The following ANKRD17 variants were observed in gnomAD, a reference collection of about 807,000 sequenced individuals.
The protein encoded by ANKRD17 is ankyrin repeat domain-containing protein 17.
A neutral mutation model predicts 229.7 loss-of-function variants in ANKRD17; 19 were observed. The ratio of observed to expected loss-of-function variants is 0.08; its 90% CI spans 0.06 to 0.12. The LOEUF (loss-of-function observed/expected upper bound fraction) is 0.12. ANKRD17 is among the 10% of genes least tolerant of loss of function. The pLI, the probability that ANKRD17 is intolerant of heterozygous loss-of-function variation, is 1.00. For synonymous variants in ANKRD17, 1,112 were observed against 1,146.1 expected, an observed-to-expected ratio of 0.97 and a Z score of 0.60; for missense variants, 2,176 against 3,176.8, an observed-to-expected ratio of 0.68 and a Z score of 7.57.
intron 24 of ANKRD17, 34 bp from the exon 25 acceptor site, chr4:73,102,581 T>A: frequency 6.3e-7 from 1 of 1,577,226 alleles, no homozygotes; most frequent in Non-Finnish European, 8.5e-7. Context: ...AATATAACGT[T>A]GAAATTTACC....
chr4:73,211,663 A>G (rs1475073522), intron 1 of ANKRD17, among the ~76,000 whole-genome samples: 3 of 152,054 alleles, frequency 2.0e-5, no homozygotes, highest in Non-Finnish European at 2.9e-5. Context: ...TCTGGCCAAC[A>G]TGGTGAAACC....
chr4:73,142,096 A>T, intron 13 of ANKRD17, 146 bp downstream of exon 13: 3 of 882,230 alleles, frequency 3.4e-6, no homozygotes, highest in Non-Finnish European at 4.9e-6. Context: ...ATTGTACCAG[A>T]TGTTCATTAA....
intron 16 of ANKRD17, among the ~76,000 whole-genome samples, chr4:73,131,520 A>T (rs887122982): frequency 6.6e-5 from 10 of 152,214 alleles, no homozygotes; most frequent in Non-Finnish European, 1.5e-4. Context: ...ATCTCTTACC[A>T]TCTAGGCAGT....
chr4:73,241,956 T>C (rs768812809), intron 1 of ANKRD17, among the ~76,000 whole-genome samples: 3 of 152,150 alleles, frequency 2.0e-5, no homozygotes, highest in Non-Finnish European at 2.9e-5. Flanking sequence ...TGATAAAATT[T>C]AGTACATTAT....
chr4:73,180,857 C>T (rs764031084), intron 1 of ANKRD17, among the ~76,000 whole-genome samples: 2 of 152,138 alleles, frequency 1.3e-5, no homozygotes, highest in Non-Finnish European at 2.9e-5. Context: ...TTTAGACCCC[C>T]AATTCTGCTT....
intron 15 of ANKRD17, 61 bp downstream of exon 15, chr4:73,139,470 A>G: frequency 6.6e-7 from 1 of 1,524,924 alleles, no homozygotes; most frequent in South Asian, 1.3e-5. Context: ...AAATTTGGGT[A>G]CATTCTTACT....
intron 24 of ANKRD17, among the ~76,000 whole-genome samples, chr4:73,106,878 TAAAAAA>T (rs35011113): frequency 2.0e-5 from 1 of 49,260 alleles, no homozygotes; most frequent in Non-Finnish European, 3.7e-5. Context: ...ACTCCGTCTT[TAAAAAA>T]AAAAAAAAAA....
intron 25 of ANKRD17, chr4:73,099,228 C>T: frequency 1.7e-6 from 1 of 581,744 alleles, no homozygotes; most frequent in South Asian, 1.7e-5. Context: ...ACCGCCCCCG[C>T]CCCTTTCCCA....
intron 1 of ANKRD17, among the ~76,000 whole-genome samples, chr4:73,217,216 T>C (rs1741190181): frequency 6.6e-6 from 1 of 152,240 alleles, no homozygotes; most frequent in Non-Finnish European, 1.5e-5. Flanking sequence ...TACTTTCATA[T>C]AAGAGTAATA....
chr4:73,078,982 A>G (rs542491504), intron 30 of ANKRD17, 92 bp from the exon 31 acceptor site: 1 of 1,368,712 alleles, frequency 7.3e-7, no homozygotes, highest in Admixed American at 2.6e-5. Flanking sequence ...GATGTTTTAA[A>G]TATATATTCT....
chr4:73,131,675 GT>G (rs1728219214), intron 16 of ANKRD17, among the ~76,000 whole-genome samples: 1 of 152,168 alleles, frequency 6.6e-6, no homozygotes, highest in South Asian at 2.1e-4. Context: ...GAGTGTCTGA[GT>G]TCAAAAGTAG....
chr4:73,141,521 A>G (rs7664273), intron 14 of ANKRD17, among the ~76,000 whole-genome samples: 19,669 of 152,288 alleles, frequency 0.13, 1,704 homozygotes, highest in East Asian at 0.28. Context: ...GAACTGCATC[A>G]AAGATGAGCA....
At position 73,142,290 on chromosome 4, in the gene ANKRD17, A is replaced by G; in HGVS notation, c.2181T>C (p.Pro727=). ...LDYPNNLLSA[P]PPDVTQLTPP... is the part of the protein sequence containing the mutation. ...GAGTTAACTGAGTGACATCTGGTGG[A>G]GGGGCTGAAAGCAAGTTATTAGGAT... The change falls in exon 13 of 34, where the codon CCT becomes CCC. Residue 727 remains proline (P), a synonymous_variant. Transcript: ENST00000358602. 6.4e-7 allele frequency: 1 copy of G among 1,558,868 alleles called. No individual in the cohort carries two copies. The highest frequency in any genetic ancestry group is 8.6e-7 in the Non-Finnish European group (1 of 1,165,302).
chr4:73,145,234 C>T (rs1730112852), intron 10 of ANKRD17, among the ~76,000 whole-genome samples: 3 of 152,158 alleles, frequency 2.0e-5, no homozygotes. Context: ...TATCCTCATC[C>T]ACTCCAAGTT....
intron 15 of ANKRD17, among the ~76,000 whole-genome samples, chr4:73,139,098 A>G (rs1177180126): frequency 6.6e-6 from 1 of 152,162 alleles, no homozygotes; most frequent in Non-Finnish European, 1.5e-5. Flanking sequence ...ATTAGGATAT[A>G]AAGTATTTCT....
chr4:73,212,724 A>G (rs1171049920), intron 1 of ANKRD17, among the ~76,000 whole-genome samples: 4 of 152,298 alleles, frequency 2.6e-5, no homozygotes, highest in African/African-American at 4.8e-5. Context: ...TTTGTGAAAT[A>G]TAAGAATTTA....
chr4:73,121,077 C>A lies in ANKRD17; in HGVS notation c.3653G>T (p.Gly1218Val). Residue 1218 changes from glycine (G) to valine (V), a missense_variant, in exon 20 of 34, where the codon GGC becomes GTC. Around this residue, in one of 18 missense-constraint regions of ANKRD17, gnomAD observed 178 missense variants for 421.7 expected, o/e 0.42. Coordinates refer to ENST00000358602, the MANE Select transcript of ANKRD17 (RefSeq NM_032217.5). Reference protein sequence around the residue: ...EINSRTGSKLGISPLMLAAMN... With the variant: ...EINSRTGSKLVISPLMLAAMN... ...AGCTGCTAACATCAGAGGAGAGATG[C>A]CCAATTTGCTACCAGTTCTAGGGGT... 6.2e-7 allele frequency: 1 copy of A among 1,613,696 alleles called. No homozygotes were observed. The highest frequency in any genetic ancestry group is 8.5e-7 in the Non-Finnish European group (1 of 1,179,798).
Position 73,156,130 on chromosome 4 carries a change from T to C in ANKRD17, c.741A>G (p.Val247=). The change falls in exon 4 of 34, where the codon GTA becomes GTG. Residue 247 remains valine, a synonymous_variant. Coordinates refer to ENST00000358602, the MANE Select transcript of ANKRD17 (RefSeq NM_032217.5). The part of the protein sequence containing the change: ...SLAEACSEGD[V]NAVRKLLIEG... The stretch of plus-strand genomic sequence containing the variant: ...CAATGAGTAACTTTCGCACAGCATT[T>C]ACATCTCCTTCTGAACAGGCTTCTG... 6.2e-7 allele frequency: 1 copy of C among 1,611,680 alleles called. No individual in the cohort carries two copies. Among genetic ancestry groups the C allele is most frequent in the Non-Finnish European group, 8.5e-7 (1 of 1,179,474 alleles).
intron 1 of ANKRD17, among the ~76,000 whole-genome samples, chr4:73,242,962 A>G (rs1243082839): frequency 6.6e-6 from 1 of 152,216 alleles, no homozygotes; most frequent in Non-Finnish European, 1.5e-5. Flanking sequence ...AAAGGGAGGT[A>G]AAAGAAGAAG....
Sources: allele counts gnomAD v4.1 joint callset (sites outside exome capture counted in the v4.1 genomes callset), GRCh38; gene constraint gnomAD v4.1.1; regional missense constraint gnomAD v4.1.1; transcripts MANE v1.5; gene names NCBI Gene and HGNC (gene_info 2026-07-23, HGNC 2026-07-21).